Variants in FSTL4 observed in about 807,000 individuals in gnomAD.
FSTL4 encodes the protein follistatin like 4, also known as follistatin-related protein 4.
FSTL4 carries 28 observed loss-of-function variants against 78.2 expected under a neutral mutation model. The ratio of observed to expected loss-of-function variants is 0.36; its 90% CI spans 0.27 to 0.49. The LOEUF is 0.49. Among genes scored for constraint, FSTL4 ranks in the 20% least tolerant of loss-of-function variants. The pLI, the probability that FSTL4 is intolerant of heterozygous loss-of-function variation, is 0.98. For synonymous variants in FSTL4, 422 were observed against 440.5 expected (o/e 0.96, Z 0.53); for missense variants, 922 against 1,084.9 (o/e 0.85, Z 2.11).
At chr5:133,420,826 G>A (rs376268725) in intron 3 of FSTL4, among the ~76,000 whole-genome samples, 6 of 152,338 alleles carry the variant, frequency 3.9e-5, no homozygotes, top group Middle Eastern at 3.4e-3. Context: ...TTGAGCTTGG[G>A]GCTTACTGCT....
intron 2 of FSTL4, chr5:133,583,115 G>A (rs1760468038): frequency 8.3e-6 from 3 of 359,994 alleles, no homozygotes; most frequent in Non-Finnish European, 5.5e-6. Flanking sequence ...CATCTCAGCA[G>A]CAGCCCTGCT....
the FSTL4 span, among the ~76,000 whole-genome samples, chr5:133,803,555 C>T: frequency 2.8e-4 from 42 of 152,284 alleles, no homozygotes; most frequent in East Asian, 3.3e-3. Context: ...TCTCTCCTCC[C>T]AAATGGGAAA....
chr5:133,667,048 G>T, the FSTL4 span, among the ~76,000 whole-genome samples: 2 of 152,098 alleles, frequency 1.3e-5, no homozygotes, highest in Non-Finnish European at 2.9e-5. Flanking sequence ...TGTCTAATAG[G>T]CATTAAAAAC....
rs116305698 is a variant in FSTL4 at position 133,331,979 on chromosome 5, G to C, written c.410-15327C>G. On this transcript the variant is annotated intron_variant, in intron 4 of 15. Coordinates refer to ENST00000265342, the MANE Select transcript of FSTL4 (RefSeq NM_015082.2). ...TGAAAGTCGGTGCCAGGCGGAACGT[G>C]TGGGTTTTTCAACCTGAAGCTTCTG... 4.7e-3 allele frequency among the ~76,000 whole-genome samples: 709 copies of C among 152,336 alleles called. 6 individuals are homozygous for C. Among genetic ancestry groups the C allele is most frequent in the African/African-American group, 0.016 (673 of 41,574 alleles).
intron 4 of FSTL4, among the ~76,000 whole-genome samples, chr5:133,329,848 C>T (rs62375982): frequency 0.19 from 29,258 of 152,168 alleles, 4,182 homozygotes; most frequent in African/African-American, 0.4. Flanking sequence ...AAATGTCTCA[C>T]TCACGGCAGC....
intron 1 of FSTL4, among the ~76,000 whole-genome samples, chr5:133,607,414 T>C (rs1229997699): frequency 2.0e-5 from 3 of 152,262 alleles, no homozygotes; most frequent in Middle Eastern, 3.4e-3. Context: ...TTCTAAGCAC[T>C]TCACAGGTAT....
intron 3 of FSTL4, among the ~76,000 whole-genome samples, chr5:133,474,359 C>T (rs948450411): frequency 1.2e-4 from 19 of 152,254 alleles, no homozygotes; most frequent in African/African-American, 4.3e-4. Context: ...CAGTGCCCAG[C>T]TAGAGAGCAC....
intron 3 of FSTL4, among the ~76,000 whole-genome samples, chr5:133,507,572 G>C (rs1758635091): frequency 6.7e-6 from 1 of 150,318 alleles, no homozygotes; most frequent in African/African-American, 2.5e-5. Context: ...CGCCAGGCTG[G>C]AGTGCAGTGG....
chr5:133,832,574 T>G, the FSTL4 span, among the ~76,000 whole-genome samples: 2 of 152,254 alleles, frequency 1.3e-5, no homozygotes, highest in African/African-American at 4.8e-5. Flanking sequence ...GGTAGGAATT[T>G]ACCTTCGCTC....
chr5:133,341,770 A>C (rs1754587157), intron 4 of FSTL4, among the ~76,000 whole-genome samples: 1 of 152,192 alleles, frequency 6.6e-6, no homozygotes, highest in Non-Finnish European at 1.5e-5. Context: ...GCCACTTATA[A>C]GCTATGTGAC....
chr5:133,593,910 A>G (rs1309754137), intron 2 of FSTL4, among the ~76,000 whole-genome samples: 1 of 148,838 alleles, frequency 6.7e-6, no homozygotes, highest in African/African-American at 2.5e-5. Context: ...CCCCACCCCA[A>G]TGGCCCTCAA....
chr5:133,671,907 C>A, the FSTL4 span, among the ~76,000 whole-genome samples: 11 of 152,210 alleles, frequency 7.2e-5, no homozygotes, highest in Non-Finnish European at 1.5e-5. Context: ...ACGTAAAGTA[C>A]ATTGATTTCT....
the FSTL4 span, among the ~76,000 whole-genome samples, chr5:133,674,583 ATATG>A: frequency 2.7e-5 from 3 of 110,848 alleles, no homozygotes; most frequent in African/African-American, 1.0e-4. Context: ...GGAGACTTCC[ATATG>A]TGTGTGTGTG....
intron 4 of FSTL4, among the ~76,000 whole-genome samples, chr5:133,331,355 A>G (rs889379854): frequency 2.6e-5 from 4 of 152,046 alleles, no homozygotes; most frequent in Non-Finnish European, 5.9e-5. Flanking sequence ...CCAAAGAGTC[A>G]CTGGGTTTTC....
intron 3 of FSTL4, among the ~76,000 whole-genome samples, chr5:133,533,794 G>A (rs1181460246): frequency 6.6e-6 from 1 of 152,160 alleles, no homozygotes; most frequent in East Asian, 1.9e-4. Context: ...GGAAGAGTGG[G>A]TGGTGGATCT....
chr5:133,209,576 G>A (rs1252229590), intron 14 of FSTL4, among the ~76,000 whole-genome samples: 1 of 152,118 alleles, frequency 6.6e-6, no homozygotes, highest in African/African-American at 2.4e-5. Context: ...GGCTGGGCAG[G>A]GCATACTCAA....
intron 3 of FSTL4, among the ~76,000 whole-genome samples, chr5:133,487,475 T>C (rs1036666875): frequency 2.0e-5 from 3 of 152,220 alleles, no homozygotes; most frequent in Admixed American, 6.5e-5. Context: ...CTTGGTGAAC[T>C]GTTCTGCTGT....
At chr5:133,739,895 CTT>C in the FSTL4 span, among the ~76,000 whole-genome samples, 57 of 138,330 alleles carry the variant, frequency 4.1e-4, no homozygotes, top group East Asian at 4.2e-4. Flanking sequence ...TAAGCTCTGT[CTT>C]TTTTTTTTTT....
chr5:133,456,771 C>T (rs1274349829), intron 3 of FSTL4, among the ~76,000 whole-genome samples: 2 of 152,176 alleles, frequency 1.3e-5, no homozygotes, highest in Non-Finnish European at 2.9e-5. Context: ...ATTTTCTTCA[C>T]TATGGTTTTG....
Sources: gnomAD v4.1 joint callset for allele counts (sites outside exome capture counted in the v4.1 genomes callset) on GRCh38, gnomAD v4.1.1 for gene constraint, MANE v1.5 for transcripts, NCBI Gene and HGNC (gene_info 2026-07-23, HGNC 2026-07-21) for gene names.